SCN7A: variants seen among roughly 807,000 people sequenced by gnomAD.
SCN7A encodes sodium voltage-gated channel alpha subunit 7.
Under a neutral mutation model 155.2 loss-of-function variants are expected in SCN7A, and 138 were observed. The ratio of observed to expected loss-of-function variants is 0.89; its 90% confidence interval spans 0.77 to 1.02. SCN7A has a LOEUF of 1.02. Ranked by LOEUF, SCN7A falls within the 50% of genes least tolerant of loss-of-function variation. The pLI is 0.00. For synonymous variants in SCN7A, 693 were observed against 649.0 expected, an observed-to-expected ratio of 1.07 and a Z score of -1.03; for missense variants, 2,058 against 1,986.6, an observed-to-expected ratio of 1.04 and a Z score of -0.68.
chr2:166,465,791 A>G lies in SCN7A; in HGVS notation c.861T>C (p.Tyr287=). ...CAAGGTGATTCTTACCTCGAATATA[A>G]TATGGGTTTCCAGTTCTGTTGTGCA... The part of the protein sequence containing the change: ...ETLHNRTGNP[Y]YIRETENFYY... The change falls in exon 8 of 26, where the codon TAT becomes TAC. Residue 287 remains tyrosine (Y), a synonymous_variant. Transcript: ENST00000643258. 2.5e-6 allele frequency: 4 copies of G among 1,613,822 alleles called. No individual in the cohort carries two copies. The highest frequency in any genetic ancestry group is 2.5e-6 in the Non-Finnish European group (3 of 1,179,800).
At chr2:166,481,037 A>G (rs1041355900) in intron 2 of SCN7A, among the ~76,000 whole-genome samples, 1 of 152,226 alleles carries the variant, frequency 6.6e-6, no homozygotes, top group African/African-American at 2.4e-5. Context: ...TTTTGTCTAA[A>G]GGCTGGTGGC....
intron 11 of SCN7A, among the ~76,000 whole-genome samples, chr2:166,450,949 T>C (rs1702164542): frequency 6.6e-6 from 1 of 152,156 alleles, no homozygotes; most frequent in Non-Finnish European, 1.5e-5. Context: ...ATAGAAGTAA[T>C]TTTTTGTTAT....
chr2:166,404,181 C>T lies in SCN7A; in HGVS notation c.*1399G>A, dbSNP rs1317034682. The T allele has an allele frequency of 6.6e-6, 1 of 151,824 alleles. No homozygotes were observed. The highest frequency in any genetic ancestry group is 1.5e-5 in the Non-Finnish European group (1 of 67,900). 9.4% of individuals were successfully genotyped at this position (151,824 alleles called of 1,614,324 possible). A position where few individuals can be genotyped will look rare whatever the true frequency, so the allele number is the denominator to read the frequency against. On this transcript the variant is annotated 3_prime_UTR_variant, in exon 26 of 26. Coordinates refer to ENST00000643258, the MANE Select transcript of SCN7A (RefSeq NM_002976.4). ...AATTTTCTTTCTGAATCTTTTAGGA[C>T]TTAGCAGGCACATTGAAATCAATCT...
Position 166,477,579 on chromosome 2 carries a change from GCTTTAAGTCTTCTT to G in SCN7A, c.104_117del (p.Glu35AlafsTer4), listed in dbSNP as rs754280569. 1 of 1,586,768 alleles carries G rather than the reference GCTTTAAGTCTTCTT, an allele frequency of 6.3e-7. No individual in the cohort carries two copies. Among genetic ancestry groups the G allele is most frequent in the Non-Finnish European group, 8.6e-7 (1 of 1,164,542 alleles). On this transcript the variant is annotated frameshift_variant, in exon 3 of 26. Coordinates refer to ENST00000643258, the MANE Select transcript of SCN7A (RefSeq NM_002976.4). LOFTEE classifies it high-confidence loss of function. ...TTGCCAACTTCCAAATCAGGAGTTG[GCTTTAAGTCTTCTT>G]CTTCATGGTCTTCATTATGTGTTTT... is the stretch of plus-strand genomic sequence containing the variant.
At chr2:166,447,509 G>T in intron 12 of SCN7A, 103 bp downstream of exon 12, 3 of 671,346 alleles carry the variant, frequency 4.5e-6, no homozygotes, top group South Asian at 2.2e-5. Flanking sequence ...TTAAATTTTT[G>T]TTATTACCAT....
chr2:166,485,015 A>T (rs980982147), intron 2 of SCN7A, among the ~76,000 whole-genome samples: 3 of 152,114 alleles, frequency 2.0e-5, no homozygotes, highest in Non-Finnish European at 4.4e-5. Context: ...ATTTATAAAA[A>T]TAAAAATGGA....
chr2:166,468,136 A>G (rs1043198148), intron 7 of SCN7A, among the ~76,000 whole-genome samples: 3 of 152,022 alleles, frequency 2.0e-5, no homozygotes, highest in African/African-American at 7.2e-5. Flanking sequence ...ACATTTCTCT[A>G]TTCTTACTTC....
intron 2 of SCN7A, among the ~76,000 whole-genome samples, chr2:166,484,326 T>C (rs1193989286): frequency 6.6e-6 from 1 of 151,820 alleles, no homozygotes; most frequent in African/African-American, 2.4e-5. Context: ...TGGAGGTAAA[T>C]ATACATAATT....
At position 166,445,810 on chromosome 2, in the gene SCN7A, A is replaced by G. The variant is rs577606007; in HGVS notation, c.1388-810T>C. 1.9e-4 allele frequency among the ~76,000 whole-genome samples: 29 copies of G among 152,244 alleles called. No homozygotes were observed. The South Asian group carries it at 2.9e-3, about 15-fold the overall frequency. On this transcript the variant is annotated intron_variant, in intron 12 of 25. Transcript: ENST00000643258. ...CCCTATTTAATAAATGATGCTGGGAAAACTGGCTAGCCATATGCAGAAAAC... is the reference window on the plus strand; with the variant it reads ...CCCTATTTAATAAATGATGCTGGGAGAACTGGCTAGCCATATGCAGAAAAC...
At chr2:166,491,332 C>T (rs550386324) in intron 1 of SCN7A, among the ~76,000 whole-genome samples, 2 of 152,132 alleles carry the variant, frequency 1.3e-5, no homozygotes, top group Non-Finnish European at 2.9e-5. Context: ...TCATCAGAGC[C>T]GTCCATTGAG....
At chr2:166,482,314 C>T (rs1256826835) in intron 2 of SCN7A, among the ~76,000 whole-genome samples, 1 of 151,988 alleles carries the variant, frequency 6.6e-6, no homozygotes, top group East Asian at 1.9e-4. Context: ...TGGATGCTGC[C>T]ATCAATGAAA....
In SCN7A at chr2:166,414,128, TA is replaced by T. The variant is rs1284605626; in HGVS notation, c.3415-1008del. ...TTATATATAAATATATATAATATAT[TA>T]TATATATGTAAATATATATAAATAT... is the stretch of plus-strand genomic sequence containing the variant. On this transcript the variant is annotated intron_variant, in intron 21 of 25. Transcript: ENST00000643258. Among the ~76,000 whole-genome samples the T allele has an allele frequency of 3.1e-4, 21 of 68,816 alleles. No homozygotes were observed. In the East Asian group the frequency reaches 4.1e-3, roughly 14 times the overall value. The allele number at this position is 68,816 out of a possible 152,430, so 45.1% of individuals were successfully genotyped here. A position where few individuals can be genotyped will look rare whatever the true frequency, so the allele number is the denominator to read the frequency against.
chr2:166,454,071 T>C (rs1393811700), intron 11 of SCN7A, among the ~76,000 whole-genome samples: 1 of 152,062 alleles, frequency 6.6e-6, no homozygotes, highest in East Asian at 1.9e-4. Flanking sequence ...TTGGGAAATA[T>C]CCAAGTTCTT....
intron 2 of SCN7A, among the ~76,000 whole-genome samples, chr2:166,485,642 G>A (rs1402762737): frequency 6.6e-6 from 1 of 152,038 alleles, no homozygotes; most frequent in African/African-American, 2.4e-5. Flanking sequence ...AAAAAGTAAA[G>A]CTGGTTCTGC....
intron 15 of SCN7A, among the ~76,000 whole-genome samples, chr2:166,434,015 T>C (rs922293306): frequency 1.9e-4 from 29 of 152,096 alleles, no homozygotes; most frequent in African/African-American, 6.8e-4. Context: ...GCATATATTA[T>C]AGTTTTGGAT....
At chr2:166,424,697 A>T (rs1208996351) in intron 18 of SCN7A, among the ~76,000 whole-genome samples, 2 of 152,114 alleles carry the variant, frequency 1.3e-5, no homozygotes, top group Admixed American at 6.6e-5. Flanking sequence ...AAAAAAAGCA[A>T]TCATAGTGGG....
chr2:166,409,868 A>G lies in SCN7A; in HGVS notation c.3779T>C (p.Leu1260Pro). Reference sequence around the variant, plus strand: ...CATGGCTATTGCTTGGAAACATATAAGAACCATAACAATGACATTAAAAGC... The same window carrying G: ...CATGGCTATTGCTTGGAAACATATAGGAACCATAACAATGACATTAAAAGC... ...SQAFNVIVMV[L>P]ICFQAIAMMI... Residue 1260 changes from leucine (L) to proline (P), a missense_variant, in exon 25 of 26, where the codon CTT (leucine) becomes CCT (proline). Physicochemically the swap from Leu to Pro is moderately conservative, Grantham distance 98 (BLOSUM62 -3). Transcript: ENST00000643258. The G allele has an allele frequency of 6.4e-7, 1 of 1,569,348 alleles. No homozygotes were observed. The highest frequency in any genetic ancestry group is 8.7e-7 in the Non-Finnish European group (1 of 1,155,148).
At chr2:166,442,743 A>C (rs1701987073) in intron 14 of SCN7A, among the ~76,000 whole-genome samples, 1 of 152,082 alleles carries the variant, frequency 6.6e-6, no homozygotes, top group Admixed American at 6.6e-5. Flanking sequence ...AAATATTTTG[A>C]TACTATCTTT....
rs987268141 is a variant in SCN7A at position 166,474,584 on chromosome 2, C to T, written c.235-240G>A. ...TTTGAGTTTTTTGCTACTGCTACAC[C>T]CGAGAAAGTTGTTTGTCTCAAGCCA... On this transcript the variant is annotated intron_variant, in intron 3 of 25. Transcript: ENST00000643258. Among the ~76,000 whole-genome samples, 5 of 150,924 alleles carry T rather than the reference C, an allele frequency of 3.3e-5. No individual in the cohort carries two copies. The South Asian group carries it at 8.4e-4, about 25-fold the overall frequency.
Sources: gnomAD v4.1 joint callset for allele counts (sites outside exome capture counted in the v4.1 genomes callset) on GRCh38, gnomAD v4.1.1 for gene constraint, MANE v1.5 for transcripts, NCBI Gene and HGNC (gene_info 2026-07-23, HGNC 2026-07-21) for gene names.